The following ITSN1 variants were observed in gnomAD, a reference collection of about 807,000 sequenced individuals.
ITSN1 encodes intersectin 1.
A neutral mutation model predicts 239.8 loss-of-function variants in ITSN1; 58 were observed. The observed-to-expected ratio is 0.24, with a 90% confidence interval of 0.20 to 0.30. The LOEUF (loss-of-function observed/expected upper bound fraction) is 0.30, where lower values mean the gene tolerates loss of function less well. Among genes scored for constraint, ITSN1 ranks in the 10% least tolerant of loss-of-function variants. ITSN1 has a pLI of 1.00. For synonymous variants in ITSN1, 780 were observed against 770.8 expected (o/e 1.01, Z -0.20); for missense variants, 1,558 against 2,103.3 (o/e 0.74, Z 5.07).
In ITSN1 at chr21:33,865,896, A is replaced by T. The variant is rs1326400225; in HGVS notation, c.4074+562A>T. 6.6e-6 allele frequency among the ~76,000 whole-genome samples: 1 copy of T among 152,140 alleles called. No homozygotes were observed. Among genetic ancestry groups the T allele is most frequent in the East Asian group, 1.9e-4 (1 of 5,194 alleles). On this transcript the variant is annotated intron_variant, in intron 32 of 39. Coordinates refer to ENST00000381318, the MANE Select transcript of ITSN1 (RefSeq NM_003024.3). The surrounding 1 kb of genome is among the most constrained non-coding windows in gnomAD (Gnocchi z 4.4). ...CCACCAGGGGATGTTTGGGGAGGTA[A>T]TGCGGATACTGCTGGAAGACCTGCA...
intron 24 of ITSN1, among the ~76,000 whole-genome samples, chr21:33,821,529 C>T (rs769747267): frequency 6.6e-6 from 1 of 152,096 alleles, no homozygotes; most frequent in Non-Finnish European, 1.5e-5. Context: ...GGCCAGTGCC[C>T]TCTGTGGAAT....
intron 25 of ITSN1, among the ~76,000 whole-genome samples, chr21:33,824,995 T>G (rs943953178): frequency 6.6e-6 from 1 of 151,988 alleles, no homozygotes; most frequent in Admixed American, 6.6e-5. Flanking sequence ...CCAATGAGAG[T>G]CATACAGATG....
Position 33,895,738 on chromosome 21 carries a change from T to G in ITSN1, c.*7438T>G, listed in dbSNP as rs1986739815. The G allele has an allele frequency of 6.6e-6, 1 of 152,368 alleles. No homozygotes were observed. Among genetic ancestry groups the G allele is most frequent in the Admixed American group, 6.5e-5 (1 of 15,278 alleles). 9.4% of individuals were successfully genotyped at this position (152,368 alleles called of 1,614,324 possible). On this transcript the variant is annotated 3_prime_UTR_variant, in exon 40 of 40. Transcript: ENST00000381318. ...GTGCGTGCATGTGTGCGCATGCGTG[T>G]GTACCTACCCACACCTAGGGGGATG...
At chr21:33,803,923 G>A (rs1348743442) in intron 20 of ITSN1, among the ~76,000 whole-genome samples, 3 of 152,184 alleles carry the variant, frequency 2.0e-5, no homozygotes, top group Admixed American at 1.3e-4. Flanking sequence ...AAAATGCATT[G>A]TGATACTCCA....
chr21:33,721,607 C>CCTCTAGGGTT (rs2065486318), intron 3 of ITSN1, among the ~76,000 whole-genome samples: 1 of 151,602 alleles, frequency 6.6e-6, no homozygotes, highest in Non-Finnish European at 1.5e-5. Context: ...ACCAGCCTGG[C>CCTCTAGGGTT]CAACATGGTG....
chr21:33,828,857 C>T (rs1035537903), intron 26 of ITSN1: 20 of 442,424 alleles, frequency 4.5e-5, no homozygotes, highest in South Asian at 8.5e-5. Context: ...TCTGTGGTAC[C>T]GCTGGAGTTT....
At chr21:33,681,831 C>T (rs1288586412) in intron 1 of ITSN1, among the ~76,000 whole-genome samples, 3 of 151,508 alleles carry the variant, frequency 2.0e-5, no homozygotes, top group Non-Finnish European at 4.4e-5. Flanking sequence ...CCACTATGCC[C>T]GGCTAATTTT....
At chr21:33,646,630 AGC>A (rs1190779459) in intron 1 of ITSN1, among the ~76,000 whole-genome samples, 2 of 152,236 alleles carry the variant, frequency 1.3e-5, no homozygotes, top group African/African-American at 4.8e-5. Flanking sequence ...CTCATTTCTC[AGC>A]TGAACATGGA....
At chr21:33,794,494 C>A in intron 17 of ITSN1, 26 bp downstream of exon 17, 2 of 1,589,080 alleles carry the variant, frequency 1.3e-6, no homozygotes, top group South Asian at 2.3e-5. Context: ...ATTGTGGACT[C>A]ATCTGGAAGG....
chr21:33,691,240 C>T (rs543085753), intron 1 of ITSN1, among the ~76,000 whole-genome samples: 43 of 152,242 alleles, frequency 2.8e-4, no homozygotes, highest in African/African-American at 1.0e-3. Context: ...ATATAATAAA[C>T]AGTCAATACT....
At chr21:33,818,088 T>G (rs1399134942) in intron 22 of ITSN1, 179 bp from the exon 23 acceptor site, 3 of 607,982 alleles carry the variant, frequency 4.9e-6, no homozygotes, top group Admixed American at 3.0e-5. Flanking sequence ...CTTTTGGAAA[T>G]AAACAATTGT....
chr21:33,652,029 T>C lies in ITSN1; in HGVS notation c.-33+9316T>C, dbSNP rs1290932871. Among the ~76,000 whole-genome samples, 4 of 152,214 alleles carry C rather than the reference T, an allele frequency of 2.6e-5. No homozygotes were observed. In the East Asian group the frequency reaches 7.7e-4, roughly 29 times the overall value. On this transcript the variant is annotated intron_variant, in intron 1 of 39. Transcript: ENST00000381318. ...ATTGAAGAAAACTTTTGGAAACATA[T>C]ATAAGGAAAGAAGACTAAAAGCCTA... is the stretch of plus-strand genomic sequence containing the variant.
At chr21:33,826,770 A>G (rs767089309) in intron 25 of ITSN1, 48 bp from the exon 26 acceptor site, 5 of 1,570,532 alleles carry the variant, frequency 3.2e-6, no homozygotes, top group Non-Finnish European at 3.5e-6. Flanking sequence ...TTAAAGTTGC[A>G]TGATCAAAAC....
At chr21:33,762,231 G>A (rs1290865006) in intron 9 of ITSN1, among the ~76,000 whole-genome samples, 5 of 151,402 alleles carry the variant, frequency 3.3e-5, no homozygotes, top group African/African-American at 9.7e-5. Context: ...TTCTCAACTC[G>A]TGACCAGTCT....
At chr21:33,678,383 A>G (rs2090725802) in intron 1 of ITSN1, among the ~76,000 whole-genome samples, 1 of 152,094 alleles carries the variant, frequency 6.6e-6, no homozygotes, top group African/African-American at 2.4e-5. Context: ...TTATTTGTTT[A>G]CTGGTTTATT....
intron 29 of ITSN1, chr21:33,836,850 C>A: frequency 1.5e-6 from 1 of 665,008 alleles, no homozygotes; most frequent in Non-Finnish European, 2.5e-6. Context: ...ATGTCCCCTC[C>A]CTCCCCTCCC....
chr21:33,794,987 G>A (rs533599875), intron 17 of ITSN1, among the ~76,000 whole-genome samples: 2 of 152,308 alleles, frequency 1.3e-5, no homozygotes, highest in East Asian at 3.9e-4. Context: ...AGATTTATTT[G>A]TGATATTTTT....
At chr21:33,820,043 A>ATAG (rs1325673959) in intron 24 of ITSN1, among the ~76,000 whole-genome samples, 1 of 152,226 alleles carries the variant, frequency 6.6e-6, no homozygotes, top group African/African-American at 2.4e-5. Context: ...TAGAGTTCTC[A>ATAG]TAGTAACATG....
At chr21:33,704,390 A>T (rs1427664400) in intron 1 of ITSN1, among the ~76,000 whole-genome samples, 1 of 152,074 alleles carries the variant, frequency 6.6e-6, no homozygotes, top group African/African-American at 2.4e-5. Context: ...CCCACGCTTC[A>T]CCCTGGTTAG....
Sources: allele counts gnomAD v4.1 joint callset (sites outside exome capture counted in the v4.1 genomes callset), GRCh38; gene constraint gnomAD v4.1.1; non-coding constraint Gnocchi (gnomAD v3.1); transcripts MANE v1.5; gene names NCBI Gene and HGNC (gene_info 2026-07-23, HGNC 2026-07-21).